LRIT3: variants seen among roughly 807,000 people sequenced by gnomAD.
The protein encoded by LRIT3 is leucine rich repeat, Ig-like and transmembrane domains 3.
In LRIT3, 14 loss-of-function variants were observed where a neutral mutation model predicts 22.6. That is an observed-to-expected ratio of 0.62 (90% confidence interval 0.41 to 0.97). LRIT3 has a LOEUF of 0.97. LRIT3 is among the 50% of genes least tolerant of loss of function. LRIT3 has a pLI of 0.00. For synonymous variants in LRIT3, 306 were observed against 304.5 expected, an observed-to-expected ratio of 1.01 and a Z score of -0.05; for missense variants, 783 against 803.0, an observed-to-expected ratio of 0.98 and a Z score of 0.30.
chr4:109,856,956 A>C (rs1210402256), intron 2 of LRIT3, among the ~76,000 whole-genome samples: 3 of 152,142 alleles, frequency 2.0e-5, no homozygotes, highest in Non-Finnish European at 4.4e-5. Context: ...TACTCCTTTT[A>C]AGAATTTTCT....
chr4:109,852,001 T>G, intron 2 of LRIT3, 25 bp downstream of exon 2: 1 of 1,496,654 alleles, frequency 6.7e-7, no homozygotes, highest in South Asian at 1.3e-5. Context: ...CTCTGGGCTT[T>G]TCATCTATAG....
At position 109,867,957 on chromosome 4, in the gene LRIT3, A is replaced by G; in HGVS notation, c.895+11A>G. The G allele has an allele frequency of 6.3e-7, 1 of 1,598,500 alleles. No individual in the cohort carries two copies. The highest frequency in any genetic ancestry group is 1.1e-5 in the South Asian group (1 of 89,808). On this transcript the variant is annotated intron_variant, in intron 3 of 3. Coordinates refer to ENST00000594814, the MANE Select transcript of LRIT3 (RefSeq NM_198506.5). The stretch of plus-strand genomic sequence containing the variant: ...CAGTTAATTATACAGGTATTTTCTT[A>G]ATTCAGCCCCATGATCAAAGGAGTT...
At chr4:109,850,489 T>C (rs1734225803) in intron 1 of LRIT3, among the ~76,000 whole-genome samples, 1 of 143,542 alleles carries the variant, frequency 7.0e-6, no homozygotes, top group Admixed American at 7.2e-5. Context: ...CTTTCTTTTC[T>C]ATTTTGAGAT....
intron 2 of LRIT3, among the ~76,000 whole-genome samples, chr4:109,861,338 G>GAA (rs34877226): frequency 7.0e-6 from 1 of 143,020 alleles, no homozygotes; most frequent in African/African-American, 2.5e-5. Context: ...ATCCTGGGTG[G>GAA]AAAAAAAAAA....
At chr4:109,856,331 G>A (rs55814498) in intron 2 of LRIT3, among the ~76,000 whole-genome samples, 17,333 of 152,110 alleles carry the variant, frequency 0.11, 1,081 homozygotes, top group Admixed American at 0.16. Context: ...ATAGCTTGGC[G>A]CTGATCATGA....
chr4:109,869,740 A>G lies in LRIT3; in HGVS notation c.991A>G (p.Lys331Glu), dbSNP rs1259016500. ...KDAGDYKCKA[K>E]NLAGMSEAVV... ...CGCTGGGGATTACAAATGTAAGGCCAAAAATCTGGCTGGGATGTCAGAAGC... is the reference window on the plus strand; with the variant it reads ...CGCTGGGGATTACAAATGTAAGGCCGAAAATCTGGCTGGGATGTCAGAAGC... The change falls in exon 4 of 4, where the codon AAA (lysine) becomes GAA (glutamate). Residue 331 changes from lysine (K) to glutamate (E), a missense_variant. By Grantham distance (56) the Lys-to-Glu change is moderately conservative (BLOSUM62 1). Coordinates refer to ENST00000594814, the MANE Select transcript of LRIT3 (RefSeq NM_198506.5). 6.2e-7 allele frequency: 1 copy of G among 1,613,252 alleles called. No homozygotes were observed. Among genetic ancestry groups the G allele is most frequent in the Non-Finnish European group, 8.5e-7 (1 of 1,179,420 alleles).
At chr4:109,864,228 G>A (rs17040920) in intron 2 of LRIT3, among the ~76,000 whole-genome samples, 12,447 of 151,956 alleles carry the variant, frequency 0.082, 935 homozygotes, top group East Asian at 0.22. Context: ...CTATATTAAG[G>A]TGGGTGTTTA....
chr4:109,850,470 T>TCTTTCTTTCTTTCTTTCTTTCTTTC (rs1734218482), intron 1 of LRIT3, among the ~76,000 whole-genome samples: 1 of 138,306 alleles, frequency 7.2e-6, no homozygotes, highest in Admixed American at 7.7e-5. Context: ...TTTCTTTCTT[T>TCTTTCTTTCTTTCTTTCTTTCTTTC]CTTTCTTTCT....
intron 2 of LRIT3, among the ~76,000 whole-genome samples, chr4:109,860,998 G>C (rs1009954699): frequency 1.3e-5 from 2 of 152,320 alleles, no homozygotes; most frequent in South Asian, 2.1e-4. Flanking sequence ...TAACATTCTT[G>C]TACAAAGCTT....
rs960013875 is a variant in LRIT3 at position 109,854,279 on chromosome 4, G to A, written c.589+2303G>A. On this transcript the variant is annotated intron_variant, in intron 2 of 3. Transcript: ENST00000594814. ...TTATTTCCTTGAGCAGTGGTTTTTA[G>A]TTCTCCTTAAAGAGATCCTTCACAT... Among the ~76,000 whole-genome samples, 10 of 152,044 alleles carry A rather than the reference G, an allele frequency of 6.6e-5. 1 individual carries two copies. Among genetic ancestry groups the A allele is most frequent in the Admixed American group, 5.9e-4 (9 of 15,260 alleles).
At chr4:109,850,144 G>A (rs1047451518) in intron 1 of LRIT3, among the ~76,000 whole-genome samples, 1 of 152,088 alleles carries the variant, frequency 6.6e-6, no homozygotes, top group Non-Finnish European at 1.5e-5. Flanking sequence ...CTGATTTAAT[G>A]TCATATGTTT....
chr4:109,865,099 T>A (rs766149635), intron 2 of LRIT3: 489 of 1,417,264 alleles, frequency 3.5e-4, no homozygotes, highest in Non-Finnish European at 4.4e-4. Flanking sequence ...TAGTCTATGA[T>A]CATTATTTTT....
At position 109,851,860 on chromosome 4, in the gene LRIT3, TGG is replaced by T. The variant is rs1268854427; in HGVS notation, c.474_475del (p.Asp159PhefsTer47). ...AGGTATCTGAAGAACCTTGCCTACTTGGATTTATCAAGCAACAGACTCACCAC... is the reference window on the plus strand; with the variant it reads ...AGGTATCTGAAGAACCTTGCCTACTTATTTATCAAGCAACAGACTCACCAC... On this transcript the variant is annotated frameshift_variant, in exon 2 of 4. Transcript: ENST00000594814. LOFTEE classifies it high-confidence loss of function. 15 of 1,551,538 alleles carry T rather than the reference TGG, an allele frequency of 9.7e-6. No individual in the cohort carries two copies. The highest frequency in any genetic ancestry group is 1.2e-5 in the Non-Finnish European group (14 of 1,146,994).
chr4:109,850,398 C>CTTTCTTTCTTTCTTT (rs1232045350), intron 1 of LRIT3, among the ~76,000 whole-genome samples: 2 of 574 alleles, frequency 3.5e-3, no homozygotes, highest in African/African-American at 6.9e-3. Flanking sequence ...TTCCTTCCTT[C>CTTTCTTTCTTTCTTT]CTTCCTTCCT....
At chr4:109,855,692 G>T (rs527834204) in intron 2 of LRIT3, among the ~76,000 whole-genome samples, 6 of 152,032 alleles carry the variant, frequency 3.9e-5, no homozygotes, top group East Asian at 1.9e-4. Context: ...TATAAATTTC[G>T]CTCTACACAC....
Position 109,859,299 on chromosome 4 carries a change from TTG to T in LRIT3, c.589+7332_589+7333del, listed in dbSNP as rs576365594. 6.5e-3 allele frequency among the ~76,000 whole-genome samples: 990 copies of T among 152,258 alleles called. 8 individuals carry two copies. Among genetic ancestry groups the T allele is most frequent in the African/African-American group, 0.022 (922 of 41,534 alleles). On this transcript the variant is annotated intron_variant, in intron 2 of 3. Coordinates refer to ENST00000594814, the MANE Select transcript of LRIT3 (RefSeq NM_198506.5). ...TAGTGAGGGATTTAGGGTCATTTGA[TTG>T]TGTGTGTGAGATGGTCACATGGGGA...
intron 2 of LRIT3, chr4:109,865,296 T>C (rs575405713): frequency 1.2e-6 from 2 of 1,601,696 alleles, no homozygotes; most frequent in South Asian, 2.2e-5. Context: ...CATTTCCTAT[T>C]ACTTTTAAAA....
At chr4:109,857,033 G>A (rs903741394) in intron 2 of LRIT3, among the ~76,000 whole-genome samples, 2 of 152,120 alleles carry the variant, frequency 1.3e-5, no homozygotes, top group Non-Finnish European at 2.9e-5. Context: ...GCTACAGGGA[G>A]CCAACTACCT....
intron 2 of LRIT3, among the ~76,000 whole-genome samples, chr4:109,862,535 CTT>C (rs1734571885): frequency 6.6e-6 from 1 of 152,106 alleles, no homozygotes. Flanking sequence ...ATTTACATAA[CTT>C]TTATATATAA....
Sources: gnomAD v4.1 joint callset for allele counts (sites outside exome capture counted in the v4.1 genomes callset) on GRCh38, gnomAD v4.1.1 for gene constraint, MANE v1.5 for transcripts, NCBI Gene and HGNC (gene_info 2026-07-23, HGNC 2026-07-21) for gene names.